Variants in CEP83 observed in about 807,000 individuals in gnomAD.
CEP83 encodes centrosomal protein of 83 kDa.
CEP83 carries 70 observed loss-of-function variants against 101.9 expected under a neutral mutation model. The ratio of observed to expected loss-of-function variants is 0.69; its 90% CI spans 0.57 to 0.84. CEP83 has a LOEUF of 0.84. Among genes scored for constraint, CEP83 ranks in the 40% least tolerant of loss-of-function variants. The pLI is 0.00. For synonymous variants in CEP83, 264 were observed against 267.9 expected (o/e 0.99, Z 0.14); for missense variants, 715 against 787.2 (o/e 0.91, Z 1.10).
chr12:94,365,853 A>G (rs2060999375), intron 11 of CEP83, among the ~76,000 whole-genome samples: 1 of 152,084 alleles, frequency 6.6e-6, no homozygotes, highest in Non-Finnish European at 1.5e-5. Context: ...AGATACACAT[A>G]GTGGAGTGCT....
chr12:94,390,174 C>A (rs560435001), intron 6 of CEP83, among the ~76,000 whole-genome samples: 1 of 152,298 alleles, frequency 6.6e-6, no homozygotes, highest in South Asian at 2.1e-4. Flanking sequence ...CAAGTGGGTC[C>A]CTGGCACCCG....
intron 2 of CEP83, 99 bp from the exon 3 acceptor site, chr12:94,412,690 TTTC>T (rs1210890417): frequency 8.2e-5 from 31 of 376,958 alleles, no homozygotes; most frequent in African/African-American, 1.7e-4. Context: ...TTCTTTTTTT[TTTC>T]TTTTTTTTTT....
At chr12:94,327,514 T>G (rs913211779) in intron 14 of CEP83, among the ~76,000 whole-genome samples, 1 of 152,188 alleles carries the variant, frequency 6.6e-6, no homozygotes, top group Non-Finnish European at 1.5e-5. Context: ...TATTTCTAGT[T>G]ACCTATATAA....
At chr12:94,438,107 T>C (rs2138319632) in intron 1 of CEP83, among the ~76,000 whole-genome samples, 1 of 152,034 alleles carries the variant, frequency 6.6e-6, no homozygotes, top group South Asian at 2.1e-4. Context: ...TAAACCCAGC[T>C]ACTCGGGAGG....
chr12:94,350,156 A>G (rs1368060482), intron 11 of CEP83, among the ~76,000 whole-genome samples: 1 of 152,200 alleles, frequency 6.6e-6, no homozygotes, highest in Non-Finnish European at 1.5e-5. Flanking sequence ...TAAAATTCGT[A>G]TGGAATCTCA....
intron 14 of CEP83, among the ~76,000 whole-genome samples, chr12:94,326,429 T>C (rs1459089038): frequency 1.3e-5 from 2 of 152,192 alleles, no homozygotes; most frequent in Non-Finnish European, 2.9e-5. Context: ...AACTGGTGTC[T>C]GCAGTTGGGG....
intron 5 of CEP83, among the ~76,000 whole-genome samples, chr12:94,402,619 G>A (rs1304056642): frequency 6.6e-6 from 1 of 152,200 alleles, no homozygotes; most frequent in Non-Finnish European, 1.5e-5. Flanking sequence ...TGCCAATTAG[G>A]CTGGGCATGG....
intron 6 of CEP83, among the ~76,000 whole-genome samples, chr12:94,391,709 T>C (rs2062548930): frequency 6.6e-6 from 1 of 151,772 alleles, no homozygotes; most frequent in Admixed American, 6.6e-5. Context: ...TCAAGACCCA[T>C]CAGTGTGCTG....
the CEP83 span, chr12:94,279,997 G>A: frequency 5.1e-6 from 2 of 396,006 alleles, no homozygotes; most frequent in South Asian, 2.1e-5. Flanking sequence ...CCCTCTGCGT[G>A]TGTTGCATTT....
At chr12:94,394,827 T>A (rs1445268259) in intron 6 of CEP83, among the ~76,000 whole-genome samples, 2 of 152,170 alleles carry the variant, frequency 1.3e-5, no homozygotes, top group Non-Finnish European at 2.9e-5. Context: ...GAACAGACAC[T>A]TCTCAAAAGA....
chr12:94,308,984 G>A (rs1257079113), intron 16 of CEP83, 67 bp from the exon 17 acceptor site: 3 of 1,064,170 alleles, frequency 2.8e-6, no homozygotes, highest in African/African-American at 3.1e-5. Flanking sequence ...AGCAACCTTG[G>A]ACTGCCTCTT....
intron 14 of CEP83, among the ~76,000 whole-genome samples, chr12:94,317,684 T>C (rs11107505): frequency 0.1 from 15,548 of 152,232 alleles, 916 homozygotes; most frequent in Admixed American, 0.15. Flanking sequence ...CTTTTTCCCA[T>C]TGCTTGTTTT....
chr12:94,335,504 T>C (rs1160114795), intron 12 of CEP83, 85 bp downstream of exon 12: 7 of 812,448 alleles, frequency 8.6e-6, no homozygotes, highest in Non-Finnish European at 1.4e-5. Flanking sequence ...AAAATACTGA[T>C]GGCAAAATTT....
At chr12:94,272,841 GT>G in the CEP83 span, among the ~76,000 whole-genome samples, 1 of 152,210 alleles carries the variant, frequency 6.6e-6, no homozygotes, top group Non-Finnish European at 1.5e-5. Flanking sequence ...GTTCTGTGGG[GT>G]TCAATATCAA....
chr12:94,368,316 CAAATATAT>C, intron 9 of CEP83, 115 bp from the exon 10 acceptor site: 2 of 704,304 alleles, frequency 2.8e-6, no homozygotes, highest in Non-Finnish European at 2.3e-6. Context: ...AAAGTCTCTA[CAAATATAT>C]ATTCTCAACA....
downstream of CEP83, chr12:94,306,280 A>ATT (rs1290103908): frequency 1.3e-5 from 2 of 151,948 alleles, no homozygotes; most frequent in East Asian, 3.9e-4. Flanking sequence ...ACACTGGAGT[A>ATT]TTATATATAA....
At chr12:94,397,240 T>C (rs2062955859) in intron 6 of CEP83, among the ~76,000 whole-genome samples, 1 of 152,220 alleles carries the variant, frequency 6.6e-6, no homozygotes. Flanking sequence ...GCTCACCACC[T>C]GTAATCCCTG....
chr12:94,442,331 A>G (rs1356907578), intron 1 of CEP83, among the ~76,000 whole-genome samples: 3 of 150,836 alleles, frequency 2.0e-5, no homozygotes, highest in African/African-American at 7.3e-5. Flanking sequence ...ATGCAAAGGC[A>G]TAAGACTGAT....
intron 2 of CEP83, among the ~76,000 whole-genome samples, chr12:94,421,279 G>T (rs746613030): frequency 6.6e-5 from 10 of 151,830 alleles, no homozygotes; most frequent in Non-Finnish European, 1.3e-4. Context: ...GGCTTGGCTT[G>T]AACTCCCACA....
Sources: allele counts gnomAD v4.1 joint callset (sites outside exome capture counted in the v4.1 genomes callset), GRCh38; gene constraint gnomAD v4.1.1; transcripts MANE v1.5; gene names NCBI Gene and HGNC (gene_info 2026-07-23, HGNC 2026-07-21).